The following PRR5L variants were observed in gnomAD, a reference collection of about 807,000 sequenced individuals.
The protein encoded by PRR5L is proline rich 5 like.
PRR5L carries 21 observed loss-of-function variants against 36.4 expected under a neutral mutation model. The ratio of observed to expected loss-of-function variants is 0.58; its 90% confidence interval spans 0.41 to 0.83. PRR5L has a LOEUF of 0.83. PRR5L is among the 40% of genes least tolerant of loss of function. The probability of loss-of-function intolerance (pLI) is 0.00; values close to 1 mark genes in which losing one functional copy is unlikely to be tolerated. For missense variants in PRR5L, 381 were observed against 473.3 expected, an observed-to-expected ratio of 0.80 and a Z score of 1.81; for synonymous variants, 188 against 197.0, an observed-to-expected ratio of 0.95 and a Z score of 0.38.
chr11:36,383,377 C>T (rs1857402960), intron 1 of PRR5L, among the ~76,000 whole-genome samples: 1 of 152,218 alleles, frequency 6.6e-6, no homozygotes, highest in South Asian at 2.1e-4. Flanking sequence ...TGTCCCCACT[C>T]AGTCCCATGC....
chr11:36,464,255 G>A lies in PRR5L; in HGVS notation c.*1519G>A, dbSNP rs982641273. On this transcript the variant is annotated 3_prime_UTR_variant, in exon 9 of 9. Transcript: ENST00000530639. ...GGTATTTATGAAATCTCAAAGAGAT[G>A]AGCCACCTTGGCTTCCAATATGGCA... The A allele has an allele frequency of 2.0e-5, 3 of 152,120 alleles. No individual in the cohort carries two copies. Among genetic ancestry groups the A allele is most frequent in the African/African-American group, 7.2e-5 (3 of 41,412 alleles). 9.4% of individuals were successfully genotyped at this position (152,120 alleles called of 1,614,324 possible).
intron 1 of PRR5L, among the ~76,000 whole-genome samples, chr11:36,331,437 A>G (rs1401373389): frequency 2.0e-5 from 3 of 152,234 alleles, no homozygotes; most frequent in Non-Finnish European, 4.4e-5. Context: ...TCATTTAGAA[A>G]AAAAGATTTG....
At chr11:36,397,667 G>T (rs950232652) in intron 1 of PRR5L, among the ~76,000 whole-genome samples, 7 of 151,758 alleles carry the variant, frequency 4.6e-5, no homozygotes, top group African/African-American at 1.5e-4. Flanking sequence ...ATATTGACCA[G>T]GCTGATCTCG....
intron 1 of PRR5L, among the ~76,000 whole-genome samples, chr11:36,347,625 C>T (rs1856880298): frequency 6.6e-6 from 1 of 151,732 alleles, no homozygotes; most frequent in Admixed American, 6.6e-5. Flanking sequence ...GAAGAGAGGG[C>T]AAGCATGGAA....
chr11:36,360,359 T>A (rs753556160), intron 1 of PRR5L, among the ~76,000 whole-genome samples: 17 of 152,134 alleles, frequency 1.1e-4, no homozygotes, highest in Middle Eastern at 3.4e-3. Context: ...ACCACCAGAG[T>A]TATAAAATAT....
intron 1 of PRR5L, among the ~76,000 whole-genome samples, chr11:36,350,924 ATATATTTATATATT>A (rs1156577867): frequency 7.1e-5 from 3 of 42,190 alleles, no homozygotes; most frequent in Non-Finnish European, 1.2e-4. Flanking sequence ...ATATATTTAT[ATATATTTATATATT>A]TATATATATA....
chr11:36,338,950 G>A (rs544345645), intron 1 of PRR5L, among the ~76,000 whole-genome samples: 1 of 152,294 alleles, frequency 6.6e-6, no homozygotes, highest in East Asian at 1.9e-4. Flanking sequence ...TCTCGTGATA[G>A]TGAATAAGTC....
intron 8 of PRR5L, among the ~76,000 whole-genome samples, chr11:36,460,481 G>A (rs1859157065): frequency 6.6e-6 from 1 of 151,898 alleles, no homozygotes. Context: ...GGGTTCTGTA[G>A]TATCTCTGTA....
chr11:36,463,064 T>G lies in PRR5L; in HGVS notation c.*328T>G. ...GGACTGCCTGATGCTCCCAATGACA[T>G]ATCCAATGCTCCTGGCATTTCTGGA... On this transcript the variant is annotated 3_prime_UTR_variant, in exon 9 of 9. Coordinates refer to ENST00000530639, the MANE Select transcript of PRR5L (RefSeq NM_001160167.2). 2 of 241,714 alleles carry G rather than the reference T, an allele frequency of 8.3e-6. No homozygotes were observed. Among genetic ancestry groups the G allele is most frequent in the East Asian group, 8.2e-5 (1 of 12,214 alleles). The allele number at this position is 241,714 out of a possible 1,614,324, so 15.0% of individuals were successfully genotyped here.
At chr11:36,390,204 T>C (rs879778451) in intron 1 of PRR5L, among the ~76,000 whole-genome samples, 2 of 152,042 alleles carry the variant, frequency 1.3e-5, no homozygotes, top group Admixed American at 1.3e-4. Flanking sequence ...AAGGAGGGTG[T>C]CTCTGAGCAA....
chr11:36,349,760 G>A (rs1449023137), intron 1 of PRR5L: 1 of 152,168 alleles, frequency 6.6e-6, no homozygotes, highest in Non-Finnish European at 1.5e-5. Flanking sequence ...GATGGGCCTG[G>A]GATTTATAAG....
intron 1 of PRR5L, among the ~76,000 whole-genome samples, chr11:36,399,655 C>T (rs1481901510): frequency 6.6e-6 from 1 of 152,188 alleles, no homozygotes; most frequent in Admixed American, 6.5e-5. Context: ...GCAGTGAAAA[C>T]ACTTCTGGGC....
chr11:36,416,619 G>GCTT (rs1858148383), intron 3 of PRR5L, among the ~76,000 whole-genome samples: 2 of 152,260 alleles, frequency 1.3e-5, no homozygotes, highest in Non-Finnish European at 2.9e-5. Flanking sequence ...AGTCCTTTCT[G>GCTT]CTAAGTCTTT....
chr11:36,372,515 GC>G, intron 1 of PRR5L, among the ~76,000 whole-genome samples: 1 of 152,296 alleles, frequency 6.6e-6, no homozygotes, highest in South Asian at 2.1e-4. Context: ...TTGAACCCAT[GC>G]CATTCTATTG....
At chr11:36,372,964 G>T (rs2467084) in intron 1 of PRR5L, among the ~76,000 whole-genome samples, 146,516 of 152,164 alleles carry the variant, frequency 0.96, 70,809 homozygotes, top group East Asian at 1. Context: ...CAGCTTTTGC[G>T]CTGCCTAATA....
chr11:36,308,690 T>C (rs1856460350), intron 1 of PRR5L, among the ~76,000 whole-genome samples: 1 of 152,242 alleles, frequency 6.6e-6, no homozygotes. Context: ...CCCTTCCACC[T>C]TGGGACACAG....
chr11:36,351,783 A>AT (rs1240525949), intron 1 of PRR5L, among the ~76,000 whole-genome samples: 3,185 of 38,652 alleles, frequency 0.082, 251 homozygotes, highest in South Asian at 0.13. Context: ...ATATTTATAT[A>AT]TTTTTTTTAT....
intron 8 of PRR5L, chr11:36,454,857 G>GAA (rs1859019126): frequency 6.6e-6 from 1 of 152,276 alleles, no homozygotes; most frequent in Admixed American, 6.5e-5. Flanking sequence ...GAGTGAGAGA[G>GAA]AACGTGCCGC....
In PRR5L at chr11:36,462,303, C is replaced by A. The variant is rs116727896; in HGVS notation, c.713-39C>A. 3,101 of 1,482,062 alleles carry A rather than the reference C, an allele frequency of 2.1e-3. 57 individuals are homozygous for A. In the African/African-American group the frequency reaches 0.039, roughly 19 times the overall value. The allele number at this position is 1,482,062 out of a possible 1,614,324, so 91.8% of individuals were successfully genotyped here. A position where few individuals can be genotyped will look rare whatever the true frequency, so the allele number is the denominator to read the frequency against. Reference sequence around the variant, plus strand: ...TAGGAGCTTTTAAGCACCAATACCCCCTCCCCAATAACAGTCTTTGCTGAT... The same window carrying A: ...TAGGAGCTTTTAAGCACCAATACCCACTCCCCAATAACAGTCTTTGCTGAT... On this transcript the variant is annotated intron_variant, in intron 8 of 8. Transcript: ENST00000530639.
Sources: gnomAD v4.1 joint callset for allele counts (sites outside exome capture counted in the v4.1 genomes callset) on GRCh38, gnomAD v4.1.1 for gene constraint, MANE v1.5 for transcripts, NCBI Gene and HGNC (gene_info 2026-07-23, HGNC 2026-07-21) for gene names.